Variants in RAI14 observed in about 807,000 individuals in gnomAD.
RAI14 encodes the protein retinoic acid induced 14.
A neutral mutation model predicts 115.4 loss-of-function variants in RAI14; 45 were observed. The ratio of observed to expected loss-of-function variants is 0.39; its 90% CI spans 0.31 to 0.50. The LOEUF (loss-of-function observed/expected upper bound fraction) is 0.50, where lower values mean the gene tolerates loss of function less well. Ranked by LOEUF, RAI14 falls within the 20% of genes least tolerant of loss-of-function variation. RAI14 has a pLI of 0.85. For missense variants in RAI14, 939 were observed against 1,131.2 expected, an observed-to-expected ratio of 0.83 and a Z score of 2.44; for synonymous variants, 371 against 415.4, an observed-to-expected ratio of 0.89 and a Z score of 1.30.
intron 4 of RAI14, among the ~76,000 whole-genome samples, chr5:34,800,013 A>G (rs1232293045): frequency 6.6e-6 from 1 of 152,186 alleles, no homozygotes; most frequent in Non-Finnish European, 1.5e-5. Context: ...ATTTTTGCAG[A>G]TGAAATACTT....
intron 2 of RAI14, among the ~76,000 whole-genome samples, chr5:34,738,178 CT>C (rs1235411073): frequency 6.6e-6 from 1 of 152,014 alleles, no homozygotes; most frequent in Non-Finnish European, 1.5e-5. Flanking sequence ...AACCCCAGCA[CT>C]TGGGGAGGCT....
chr5:34,693,781 T>TA (rs1738916602), intron 2 of RAI14, among the ~76,000 whole-genome samples: 1 of 152,194 alleles, frequency 6.6e-6, no homozygotes, highest in Non-Finnish European at 1.5e-5. Flanking sequence ...TCAAACTGCA[T>TA]AAAATAGATG....
chr5:34,722,083 T>G (rs1385690917), intron 2 of RAI14, among the ~76,000 whole-genome samples: 1 of 151,942 alleles, frequency 6.6e-6, no homozygotes, highest in Non-Finnish European at 1.5e-5. Flanking sequence ...GTGAGTTTTA[T>G]GTATGCCATG....
chr5:34,750,977 C>T (rs529325432), intron 2 of RAI14, among the ~76,000 whole-genome samples: 3 of 149,474 alleles, frequency 2.0e-5, no homozygotes, highest in East Asian at 4.0e-4. Flanking sequence ...CTCAGCATCC[C>T]GAGTAGCGGG....
intron 4 of RAI14, among the ~76,000 whole-genome samples, chr5:34,800,617 T>C (rs1049914820): frequency 3.9e-5 from 6 of 152,218 alleles, no homozygotes; most frequent in African/African-American, 1.4e-4. Context: ...TTTGAGACTA[T>C]TTTTAGTGAA....
chr5:34,738,705 C>T (rs1217682856), intron 2 of RAI14, among the ~76,000 whole-genome samples: 1 of 152,206 alleles, frequency 6.6e-6, no homozygotes, highest in Non-Finnish European at 1.5e-5. Context: ...TTGTTGACAT[C>T]ACTGGTCCAA....
Position 34,813,547 on chromosome 5 carries a change from C to T in RAI14, c.766-27C>T, listed in dbSNP as rs375837947. The T allele has an allele frequency of 5.8e-5, 90 of 1,564,238 alleles. 1 individual carries two copies. In the Middle Eastern group the frequency reaches 1.0e-3, roughly 17 times the overall value. ...TTTACTAACCAAACTAACCCACCTC[C>T]ATTCTTTGGACTGTGATAACTTTCA... On this transcript the variant is annotated intron_variant, in intron 10 of 17. Transcript: ENST00000265109.
At chr5:34,767,826 C>T (rs994852457) in intron 3 of RAI14, among the ~76,000 whole-genome samples, 1 of 151,820 alleles carries the variant, frequency 6.6e-6, no homozygotes, top group East Asian at 2.0e-4. Context: ...ATCTTTCCTA[C>T]TAAGAAAGGA....
intron 5 of RAI14, among the ~76,000 whole-genome samples, chr5:34,804,712 G>GA (rs1170906565): frequency 6.6e-6 from 1 of 152,188 alleles, no homozygotes; most frequent in African/African-American, 2.4e-5. Context: ...CTAAATTCAA[G>GA]AAAAATAGAT....
intron 2 of RAI14, among the ~76,000 whole-genome samples, chr5:34,717,162 A>T (rs1163360984): frequency 6.6e-6 from 1 of 152,170 alleles, no homozygotes; most frequent in Non-Finnish European, 1.5e-5. Flanking sequence ...TTCATTTATG[A>T]CTTATACTGT....
chr5:34,668,790 T>A (rs543451156), intron 1 of RAI14, among the ~76,000 whole-genome samples: 6 of 152,260 alleles, frequency 3.9e-5, no homozygotes, highest in African/African-American at 1.4e-4. Context: ...GAGGAAAAAC[T>A]CATGTCTGCC....
At chr5:34,733,771 A>T (rs1382483815) in intron 2 of RAI14, among the ~76,000 whole-genome samples, 2 of 152,158 alleles carry the variant, frequency 1.3e-5, no homozygotes, top group Non-Finnish European at 2.9e-5. Flanking sequence ...GCTCAGCTGG[A>T]TACAGATGCT....
At chr5:34,763,939 C>T (rs1490859406) in intron 3 of RAI14, among the ~76,000 whole-genome samples, 1 of 152,186 alleles carries the variant, frequency 6.6e-6, no homozygotes, top group Non-Finnish European at 1.5e-5. Flanking sequence ...CAACCTCCTG[C>T]TTCCTGGGTT....
chr5:34,757,626 T>C, intron 3 of RAI14, 28 bp downstream of exon 3: 1 of 1,579,768 alleles, frequency 6.3e-7, no homozygotes, highest in Non-Finnish European at 8.6e-7. Flanking sequence ...TTTGCAGATA[T>C]GCTGGTTCTG....
At chr5:34,717,505 G>GT (rs921865144) in intron 2 of RAI14, among the ~76,000 whole-genome samples, 11 of 152,208 alleles carry the variant, frequency 7.2e-5, no homozygotes, top group African/African-American at 2.7e-4. Context: ...GGGCGGGGGG[G>GT]AATCCTTGTG....
chr5:34,706,463 G>A (rs920890998), intron 2 of RAI14, among the ~76,000 whole-genome samples: 1 of 152,068 alleles, frequency 6.6e-6, no homozygotes, highest in African/African-American at 2.4e-5. Context: ...ATATTTTGAG[G>A]GTTCTTGCTC....
At chr5:34,687,862 T>G in intron 2 of RAI14, 1 of 1,139,332 alleles carries the variant, frequency 8.8e-7, no homozygotes. Context: ...ATGGAGGCTG[T>G]GTCTTTTATG....
chr5:34,725,524 C>G (rs541554593), intron 2 of RAI14, among the ~76,000 whole-genome samples: 3 of 151,778 alleles, frequency 2.0e-5, no homozygotes, highest in African/African-American at 7.3e-5. Flanking sequence ...AAATACCAGA[C>G]AGAAAATATT....
intron 2 of RAI14, among the ~76,000 whole-genome samples, chr5:34,717,368 T>C (rs6859990): frequency 0.56 from 84,995 of 152,122 alleles, 24,333 homozygotes; most frequent in African/African-American, 0.67. Context: ...TATATAGAAA[T>C]ATAGGCTTAA....
Sources: gnomAD v4.1 joint callset for allele counts (sites outside exome capture counted in the v4.1 genomes callset) on GRCh38, gnomAD v4.1.1 for gene constraint, MANE v1.5 for transcripts, NCBI Gene and HGNC (gene_info 2026-07-23, HGNC 2026-07-21) for gene names.